Variants in EPM2A observed in about 807,000 individuals in gnomAD.
The protein encoded by EPM2A is laforin.
EPM2A carries 21 observed loss-of-function variants against 26.5 expected under a neutral mutation model. The ratio of observed to expected loss-of-function variants is 0.79; its 90% CI spans 0.56 to 1.14. The LOEUF (loss-of-function observed/expected upper bound fraction) is 1.14. Ranked by LOEUF, EPM2A falls within the 50% of genes most tolerant of loss-of-function variation. The probability of loss-of-function intolerance (pLI) is 0.00; values close to 1 mark genes in which losing one functional copy is unlikely to be tolerated. For synonymous variants in EPM2A, 217 were observed against 177.6 expected (o/e 1.22, Z -1.76); for missense variants, 458 against 440.8 (o/e 1.04, Z -0.35).
At chr6:145,425,168 G>A (rs965986805) in intron 4 of EPM2A, among the ~76,000 whole-genome samples, 8 of 39,674 alleles carry the variant, frequency 2.0e-4, no homozygotes, top group Non-Finnish European at 3.8e-4. Context: ...CTTTCCTTCC[G>A]TCTCTCACTC....
intron 4 of EPM2A, among the ~76,000 whole-genome samples, chr6:145,414,620 G>A (rs2114677822): frequency 6.6e-6 from 1 of 152,062 alleles, no homozygotes; most frequent in African/African-American, 2.4e-5. Context: ...TGAGTCTTCA[G>A]GCAAAACTAA....
chr6:145,628,031 C>A (rs925660626), intron 3 of EPM2A: 6 of 286,180 alleles, frequency 2.1e-5, no homozygotes, highest in South Asian at 6.4e-5. Context: ...GAAGTTTTTG[C>A]AGAGATTGGT....
intron 2 of EPM2A, among the ~76,000 whole-genome samples, chr6:145,568,315 C>T (rs1300808123): frequency 1.4e-5 from 2 of 145,016 alleles, no homozygotes; most frequent in Admixed American, 1.4e-4. Flanking sequence ...TAACCCAGGA[C>T]ATCTGACTTT....
chr6:145,383,817 CAT>C (rs1288457295), exon 5 of EPM2A: 2 of 152,158 alleles, frequency 1.3e-5, no homozygotes, highest in Non-Finnish European at 2.9e-5. Flanking sequence ...AACATAGAAA[CAT>C]ATGAATACAT....
At chr6:145,721,928 T>C (rs185678222) in intron 1 of EPM2A, among the ~76,000 whole-genome samples, 1 of 152,346 alleles carries the variant, frequency 6.6e-6, no homozygotes, top group African/African-American at 2.4e-5. Context: ...TCATAACTTT[T>C]GTCTCTTCTC....
intron 4 of EPM2A, among the ~76,000 whole-genome samples, chr6:145,389,483 C>T (rs757647061): frequency 2.0e-4 from 31 of 152,124 alleles, no homozygotes; most frequent in African/African-American, 6.3e-4. Flanking sequence ...TGAGTCACCT[C>T]GCCTGGCCCA....
At chr6:145,715,146 T>C (rs900152695) in intron 1 of EPM2A, among the ~76,000 whole-genome samples, 1 of 152,160 alleles carries the variant, frequency 6.6e-6, no homozygotes, top group Non-Finnish European at 1.5e-5. Flanking sequence ...AGATTTCTGT[T>C]TGACAATAAT....
intron 4 of EPM2A, among the ~76,000 whole-genome samples, chr6:145,419,356 TTGA>T (rs376079224): frequency 7.9e-4 from 120 of 152,250 alleles, no homozygotes; most frequent in African/African-American, 2.7e-3. Flanking sequence ...ATCCTTTGAG[TTGA>T]TGAGAACTTT....
intron 4 of EPM2A, among the ~76,000 whole-genome samples, chr6:145,409,659 C>T (rs952346755): frequency 1.3e-5 from 2 of 152,110 alleles, no homozygotes; most frequent in African/African-American, 2.4e-5. Flanking sequence ...TTATCTTTCC[C>T]AGTTTCTGTG....
chr6:145,693,783 G>C (rs1201508315), intron 1 of EPM2A, among the ~76,000 whole-genome samples: 1 of 151,992 alleles, frequency 6.6e-6, no homozygotes. Flanking sequence ...TAGAAAAGTA[G>C]AAAATTATTG....
chr6:145,392,164 G>A (rs1230274367), intron 4 of EPM2A, among the ~76,000 whole-genome samples: 1 of 152,170 alleles, frequency 6.6e-6, no homozygotes, highest in Non-Finnish European at 1.5e-5. Context: ...CTTTTGACAT[G>A]CTTAAATTAG....
At chr6:145,687,671 C>A (rs988830989) in intron 1 of EPM2A, among the ~76,000 whole-genome samples, 4 of 152,084 alleles carry the variant, frequency 2.6e-5, no homozygotes, top group Non-Finnish European at 5.9e-5. Flanking sequence ...TTCTGTCTTA[C>A]AAAATATTTA....
intron 2 of EPM2A, among the ~76,000 whole-genome samples, chr6:145,652,607 T>C (rs1777963707): frequency 6.6e-6 from 1 of 152,002 alleles, no homozygotes; most frequent in African/African-American, 2.4e-5. Flanking sequence ...TGCCAGCCCC[T>C]AGAACACTCC....
At chr6:145,659,670 T>A (rs1308169566) in intron 2 of EPM2A, among the ~76,000 whole-genome samples, 1 of 152,204 alleles carries the variant, frequency 6.6e-6, no homozygotes, top group East Asian at 1.9e-4. Flanking sequence ...TTTTGTTAAA[T>A]TAAGTTTGGC....
chr6:145,660,216 T>A (rs1172862371), intron 2 of EPM2A, among the ~76,000 whole-genome samples: 1 of 152,114 alleles, frequency 6.6e-6, no homozygotes, highest in Non-Finnish European at 1.5e-5. Flanking sequence ...ATTCCTCAGG[T>A]ATTATTAATT....
At chr6:145,603,885 A>G (rs9497366) in intron 2 of EPM2A, among the ~76,000 whole-genome samples, 4,832 of 152,262 alleles carry the variant, frequency 0.032, 89 homozygotes, top group African/African-American at 0.057. Context: ...TTTTATTTGT[A>G]AAGAAGCTAT....
At chr6:145,461,323 T>C (rs974226352) in intron 4 of EPM2A, among the ~76,000 whole-genome samples, 1 of 152,120 alleles carries the variant, frequency 6.6e-6, no homozygotes, top group African/African-American at 2.4e-5. Flanking sequence ...GTCAATACAG[T>C]CAGGATTGGA....
At position 145,681,532 on chromosome 6, in the gene EPM2A, T is replaced by C. The variant is rs372347521; in HGVS notation, c.476+4590A>G. Among the ~76,000 whole-genome samples, 5 of 148,820 alleles carry C rather than the reference T, an allele frequency of 3.4e-5. No individual in the cohort carries two copies. The East Asian group carries it at 5.9e-4, about 18-fold the overall frequency. ...AGGGTTTTTATGGTTTTAGGTCTAA[T>C]GTTTAAGTCTTTAATCCATCTTGAA... On this transcript the variant is annotated intron_variant, in intron 2 of 3. Transcript: ENST00000367519.
chr6:145,609,953 A>T (rs578116941), intron 2 of EPM2A, among the ~76,000 whole-genome samples: 207 of 152,360 alleles, frequency 1.4e-3, no homozygotes, highest in African/African-American at 4.3e-3. Context: ...GCAGTGGCTC[A>T]TGCCTGTAAT....
Sources: allele counts gnomAD v4.1 joint callset (sites outside exome capture counted in the v4.1 genomes callset), GRCh38; gene constraint gnomAD v4.1.1; transcripts MANE v1.5; gene names NCBI Gene and HGNC (gene_info 2026-07-23, HGNC 2026-07-21).